Variants in FGGY observed in about 807,000 individuals in gnomAD.
FGGY encodes the protein FGGY carbohydrate kinase domain-containing protein.
Under a neutral mutation model 71.3 loss-of-function variants are expected in FGGY, and 72 were observed. The ratio of observed to expected loss-of-function variants is 1.01; its 90% CI spans 0.84 to 1.23. The LOEUF is 1.23. Ranked by LOEUF, FGGY falls within the 50% of genes most tolerant of loss-of-function variation. FGGY has a pLI of 0.00. For missense variants in FGGY, 668 were observed against 682.3 expected, an observed-to-expected ratio of 0.98 and a Z score of 0.23; for synonymous variants, 251 against 250.3, an observed-to-expected ratio of 1.00 and a Z score of -0.02.
chr1:59,483,140 C>A (rs1259748381), intron 6 of FGGY, among the ~76,000 whole-genome samples: 1 of 152,126 alleles, frequency 6.6e-6, no homozygotes, highest in East Asian at 1.9e-4. Flanking sequence ...GGTCAGCAAC[C>A]TGCCATACTT....
chr1:59,323,185 A>G (rs17119259), intron 2 of FGGY, among the ~76,000 whole-genome samples: 1,770 of 152,250 alleles, frequency 0.012, 35 homozygotes, highest in African/African-American at 0.04. Context: ...TTCTTTTAAC[A>G]TACAGCCTTG....
At chr1:59,701,291 G>A (rs962167482) in intron 14 of FGGY, among the ~76,000 whole-genome samples, 8 of 152,136 alleles carry the variant, frequency 5.3e-5, no homozygotes, top group Non-Finnish European at 2.9e-5. Flanking sequence ...TCCACAGCAC[G>A]GAACAGACCT....
chr1:59,321,802 G>A, intron 2 of FGGY, 52 bp downstream of exon 2: 1 of 1,543,782 alleles, frequency 6.5e-7, no homozygotes, highest in South Asian at 1.2e-5. Flanking sequence ...CCTGCTGAGT[G>A]TCGTGTGTCA....
At chr1:59,591,816 G>A (rs563489289) in intron 8 of FGGY, among the ~76,000 whole-genome samples, 10 of 152,206 alleles carry the variant, frequency 6.6e-5, no homozygotes, top group African/African-American at 2.2e-4. Flanking sequence ...TTAAACGTTC[G>A]ACCTAAAACC....
chr1:59,726,494 G>T (rs956550942), intron 14 of FGGY, among the ~76,000 whole-genome samples: 2 of 152,102 alleles, frequency 1.3e-5, no homozygotes, highest in Non-Finnish European at 2.9e-5. Flanking sequence ...ACATGGTAAA[G>T]AACTGGTATA....
At chr1:59,587,136 G>T (rs2153775709) in intron 8 of FGGY, among the ~76,000 whole-genome samples, 1 of 152,356 alleles carries the variant, frequency 6.6e-6, no homozygotes, top group South Asian at 2.1e-4. Context: ...CACACCAGGA[G>T]ATTATATCCC....
intron 4 of FGGY, among the ~76,000 whole-genome samples, chr1:59,354,331 G>A (rs541048608): frequency 2.0e-5 from 3 of 152,226 alleles, no homozygotes; most frequent in Non-Finnish European, 2.9e-5. Flanking sequence ...CACCCACCTC[G>A]GCCTCCCAGA....
At chr1:59,458,663 A>T (rs970768749) in intron 6 of FGGY, among the ~76,000 whole-genome samples, 3 of 152,112 alleles carry the variant, frequency 2.0e-5, no homozygotes, top group Non-Finnish European at 4.4e-5. Context: ...ACTTTATTAG[A>T]TTTTTTCCCT....
chr1:59,355,412 T>C (rs959190014), intron 4 of FGGY, among the ~76,000 whole-genome samples: 1 of 152,220 alleles, frequency 6.6e-6, no homozygotes, highest in African/African-American at 2.4e-5. Flanking sequence ...TTAATACTGG[T>C]ACACTGTTCA....
At chr1:59,554,083 ATG>A (rs1317784113) in intron 7 of FGGY, 39 bp from the exon 8 acceptor site, 1 of 1,420,116 alleles carries the variant, frequency 7.0e-7, no homozygotes, top group East Asian at 2.3e-5. Flanking sequence ...CTCTTTTTTT[ATG>A]TGTTAAAGAG....
At chr1:59,730,967 G>A (rs764820917) in intron 14 of FGGY, among the ~76,000 whole-genome samples, 5 of 152,170 alleles carry the variant, frequency 3.3e-5, no homozygotes, top group Non-Finnish European at 5.9e-5. Flanking sequence ...CACAGGTCAG[G>A]AAACTGAGCC....
At chr1:59,389,944 G>A (rs1230170158) in intron 5 of FGGY, among the ~76,000 whole-genome samples, 1 of 152,134 alleles carries the variant, frequency 6.6e-6, no homozygotes, top group African/African-American at 2.4e-5. Context: ...AATTAAAGGT[G>A]TCTGAGAGTA....
chr1:59,716,730 A>C (rs1456792976), intron 14 of FGGY, among the ~76,000 whole-genome samples: 2 of 152,158 alleles, frequency 1.3e-5, no homozygotes, highest in East Asian at 3.8e-4. Flanking sequence ...CGGACAGGGG[A>C]GGGGAGGGCT....
intron 14 of FGGY, among the ~76,000 whole-genome samples, chr1:59,706,269 A>G (rs1352213102): frequency 6.6e-6 from 1 of 152,202 alleles, no homozygotes; most frequent in Non-Finnish European, 1.5e-5. Context: ...CTCTTGAGCC[A>G]GACTTCCTGG....
At chr1:59,485,969 G>T (rs1456424964) in intron 6 of FGGY, among the ~76,000 whole-genome samples, 1 of 152,170 alleles carries the variant, frequency 6.6e-6, no homozygotes, top group Non-Finnish European at 1.5e-5. Context: ...AAGTAAAACT[G>T]GACCTAAACT....
In FGGY at chr1:59,378,859, T is replaced by C. The variant is rs1038327869; in HGVS notation, c.554+22T>C. 2.5e-6 allele frequency: 4 copies of C among 1,592,360 alleles called. No individual in the cohort carries two copies. In the African/African-American group the frequency reaches 5.4e-5, roughly 21 times the overall value. ...CACGGTATGTTAATTACAAGTTGGA[T>C]TGTGTTTGCGTTCTTCCATTCTTGG... On this transcript the variant is annotated intron_variant, in intron 5 of 15. Transcript: ENST00000303721.
intron 5 of FGGY, among the ~76,000 whole-genome samples, chr1:59,419,482 C>T (rs919448689): frequency 3.4e-4 from 52 of 152,084 alleles, no homozygotes; most frequent in African/African-American, 1.2e-3. Context: ...CTTGGATATG[C>T]TCTTTTTATA....
At chr1:59,678,570 A>G (rs2097459413) in intron 14 of FGGY, among the ~76,000 whole-genome samples, 1 of 152,240 alleles carries the variant, frequency 6.6e-6, no homozygotes, top group African/African-American at 2.4e-5. Flanking sequence ...TCGTTGTGAG[A>G]GAAAACTCAA....
At chr1:59,338,903 A>G (rs2050125417) in intron 2 of FGGY, among the ~76,000 whole-genome samples, 1 of 152,170 alleles carries the variant, frequency 6.6e-6, no homozygotes, top group African/African-American at 2.4e-5. Context: ...AATAATCTCC[A>G]AGAAGGTCCA....
Sources: allele counts gnomAD v4.1 joint callset (sites outside exome capture counted in the v4.1 genomes callset), GRCh38; gene constraint gnomAD v4.1.1; transcripts MANE v1.5; gene names NCBI Gene and HGNC (gene_info 2026-07-23, HGNC 2026-07-21).